CCDC171: variants seen among roughly 807,000 people sequenced by gnomAD.
CCDC171 encodes coiled-coil domain containing 171.
A neutral mutation model predicts 168.2 loss-of-function variants in CCDC171; 177 were observed. The ratio of observed to expected loss-of-function variants is 1.05; its 90% CI spans 0.93 to 1.19. CCDC171 has a LOEUF of 1.19. Among genes scored for constraint, CCDC171 ranks in the 50% most tolerant of loss-of-function variants. The pLI, the probability that CCDC171 is intolerant of heterozygous loss-of-function variation, is 0.00. For synonymous variants in CCDC171, 687 were observed against 540.8 expected (o/e 1.27, Z -3.75); for missense variants, 1,991 against 1,539.0 (o/e 1.29, Z -4.91).
At chr9:15,967,843 T>C (rs774312936) in intron 25 of CCDC171, among the ~76,000 whole-genome samples, 15 of 152,210 alleles carry the variant, frequency 9.9e-5, no homozygotes, top group Non-Finnish European at 1.8e-4. Context: ...AGACTTAACT[T>C]GATCATAAAT....
At chr9:15,688,717 A>T (rs748753241) in intron 10 of CCDC171, among the ~76,000 whole-genome samples, 5 of 152,196 alleles carry the variant, frequency 3.3e-5, no homozygotes, top group Non-Finnish European at 7.4e-5. Context: ...CCTCAAGAAG[A>T]GCATCTATAG....
intron 3 of CCDC171, among the ~76,000 whole-genome samples, chr9:15,991,703 G>C (rs1832206218): frequency 6.6e-6 from 1 of 152,170 alleles, no homozygotes. Flanking sequence ...AAGAATAAAA[G>C]AGAGAAGAAT....
At chr9:16,108,179 G>C in the CCDC171 span, among the ~76,000 whole-genome samples, 2 of 152,148 alleles carry the variant, frequency 1.3e-5, no homozygotes, top group African/African-American at 4.8e-5. Flanking sequence ...ACTTATGGGA[G>C]GTCAGTGTCA....
intron 11 of CCDC171, among the ~76,000 whole-genome samples, chr9:15,713,315 A>AT (rs3082816): frequency 3.3e-5 from 5 of 149,780 alleles, no homozygotes; most frequent in African/African-American, 7.4e-5. Context: ...AACCAAGCCC[A>AT]TTTTTTTTTT....
At chr9:15,580,835 A>C (rs910215166) in intron 4 of CCDC171, among the ~76,000 whole-genome samples, 1 of 152,068 alleles carries the variant, frequency 6.6e-6, no homozygotes, top group African/African-American at 2.4e-5. Flanking sequence ...TCCTTAAAGA[A>C]CTAAAACTGG....
intron 23 of CCDC171, among the ~76,000 whole-genome samples, chr9:15,874,249 T>C (rs1399565938): frequency 1.3e-5 from 2 of 152,138 alleles, no homozygotes; most frequent in African/African-American, 4.8e-5. Context: ...AGGGTGGAAC[T>C]GTGAAAAAAT....
chr9:15,564,615 TTGC>T (rs1408697813), intron 2 of CCDC171, among the ~76,000 whole-genome samples: 2 of 152,246 alleles, frequency 1.3e-5, no homozygotes, highest in African/African-American at 4.8e-5. Flanking sequence ...CTAATTGCTG[TTGC>T]TCATCTTTTT....
chr9:15,556,681 T>C (rs1338260942), intron 1 of CCDC171, among the ~76,000 whole-genome samples: 2 of 152,064 alleles, frequency 1.3e-5, no homozygotes, highest in African/African-American at 4.8e-5. Flanking sequence ...TTTCTCCCAT[T>C]CTGTAGGTTG....
intron 24 of CCDC171, among the ~76,000 whole-genome samples, chr9:15,892,231 A>T (rs1252012929): frequency 6.6e-6 from 1 of 152,234 alleles, no homozygotes; most frequent in Middle Eastern, 3.4e-3. Flanking sequence ...AGAACTTCCA[A>T]TACTATGTTA....
chr9:15,775,181 A>G (rs1030165477), intron 18 of CCDC171, among the ~76,000 whole-genome samples: 16 of 152,352 alleles, frequency 1.1e-4, no homozygotes, highest in Middle Eastern at 6.8e-3. Context: ...TACATTATTT[A>G]GTGCTCTTAC....
intron 7 of CCDC171, among the ~76,000 whole-genome samples, chr9:15,650,270 G>A (rs1382955271): frequency 6.6e-6 from 1 of 151,988 alleles, no homozygotes; most frequent in Admixed American, 6.6e-5. Context: ...GATGGGGGAG[G>A]GATAGCATTA....
At chr9:15,638,846 A>G (rs766428587) in intron 7 of CCDC171, among the ~76,000 whole-genome samples, 1 of 152,092 alleles carries the variant, frequency 6.6e-6, no homozygotes, top group Non-Finnish European at 1.5e-5. Flanking sequence ...AAACTGGAAA[A>G]AGAAATATCC....
At chr9:15,799,083 T>C (rs896513904) in intron 21 of CCDC171, among the ~76,000 whole-genome samples, 18 of 146,470 alleles carry the variant, frequency 1.2e-4, no homozygotes, top group African/African-American at 4.5e-4. Flanking sequence ...AATAGAAAAT[T>C]AGATTTTAAA....
chr9:15,828,569 A>C (rs531367283), intron 21 of CCDC171, among the ~76,000 whole-genome samples: 1 of 152,328 alleles, frequency 6.6e-6, no homozygotes, highest in African/African-American at 2.4e-5. Context: ...GTCAAAACAC[A>C]TTTCATCTTG....
intron 9 of CCDC171, among the ~76,000 whole-genome samples, chr9:15,670,502 T>C (rs966569857): frequency 1.3e-5 from 2 of 152,170 alleles, no homozygotes; most frequent in Non-Finnish European, 2.9e-5. Flanking sequence ...TTGCTGGTTC[T>C]TCTGATATTT....
intron 21 of CCDC171, among the ~76,000 whole-genome samples, chr9:15,836,759 A>C (rs1247272245): frequency 6.6e-6 from 1 of 152,210 alleles, no homozygotes; most frequent in African/African-American, 2.4e-5. Context: ...TAACTTGACC[A>C]TTCCTGATTT....
intron 24 of CCDC171, among the ~76,000 whole-genome samples, chr9:15,882,272 CT>C (rs1337210111): frequency 1.3e-5 from 2 of 152,118 alleles, no homozygotes; most frequent in Non-Finnish European, 2.9e-5. Context: ...CTTTTTGCCA[CT>C]TTTAAATTAA....
At chr9:15,932,031 G>A (rs568525116) in intron 25 of CCDC171, among the ~76,000 whole-genome samples, 1 of 151,884 alleles carries the variant, frequency 6.6e-6, no homozygotes, top group Non-Finnish European at 1.5e-5. Context: ...AAGTCAGGTA[G>A]TATGATGCCT....
At chr9:15,576,087 G>C (rs7029621) in intron 3 of CCDC171, among the ~76,000 whole-genome samples, 6,881 of 105,640 alleles carry the variant, frequency 0.065, 547 homozygotes, top group African/African-American at 0.21. Flanking sequence ...GCGAGACTCT[G>C]TCTCAAAAAA....
Sources: gnomAD v4.1 joint callset for allele counts (sites outside exome capture counted in the v4.1 genomes callset) on GRCh38, gnomAD v4.1.1 for gene constraint, MANE v1.5 for transcripts, NCBI Gene and HGNC (gene_info 2026-07-23, HGNC 2026-07-21) for gene names.